Variants in PCDHGA12 observed in about 807,000 individuals in gnomAD.
PCDHGA12 encodes the protein protocadherin gamma subfamily A, 12, also known as protocadherin gamma-A12.
A neutral mutation model predicts 61.1 loss-of-function variants in PCDHGA12; 43 were observed. That is an observed-to-expected ratio of 0.70 (90% confidence interval 0.55 to 0.91). PCDHGA12 has a LOEUF of 0.91. Among genes scored for constraint, PCDHGA12 ranks in the 40% least tolerant of loss-of-function variants. The pLI is 0.00. For missense variants in PCDHGA12, 1,236 were observed against 1,227.7 expected, an observed-to-expected ratio of 1.01 and a Z score of -0.10; for synonymous variants, 520 against 542.9, an observed-to-expected ratio of 0.96 and a Z score of 0.59.
At chr5:141,453,001 G>C (rs1225973632) in intron 1 of PCDHGA12, among the ~76,000 whole-genome samples, 3 of 152,168 alleles carry the variant, frequency 2.0e-5, no homozygotes, top group African/African-American at 7.2e-5. Flanking sequence ...AAAGTTACCT[G>C]TAGTATAGTT....
At position 141,433,096 on chromosome 5, in the gene PCDHGA12, C is replaced by G; in HGVS notation, c.2337C>G (p.Leu779=). ...IFPQPNYADM[L]VSQESFEKSE... ...CCCAGCCCAACTATGCAGACATGCT[C>G]GTCAGCCAGGAGAGCTTTGAAAAAA... The change falls in exon 1 of 4, where the codon CTC becomes CTG. Residue 779 remains leucine (L), a synonymous_variant. Coordinates refer to ENST00000252085, the MANE Select transcript of PCDHGA12 (RefSeq NM_003735.3). 5 of 1,614,118 alleles carry G rather than the reference C, an allele frequency of 3.1e-6. No homozygotes were observed. The highest frequency in any genetic ancestry group is 4.2e-6 in the Non-Finnish European group (5 of 1,180,014).
chr5:141,439,632 T>C (rs1335553818), intron 1 of PCDHGA12, among the ~76,000 whole-genome samples: 1 of 152,182 alleles, frequency 6.6e-6, no homozygotes, highest in Non-Finnish European at 1.5e-5. Context: ...TCCCCAGACA[T>C]TCCGGCTTGG....
chr5:141,493,679 G>C lies in PCDHGA12; in HGVS notation c.2425-1128G>C. On this transcript the variant is annotated intron_variant, in intron 1 of 3. Transcript: ENST00000252085. This position sits in a 1 kb window ranked among gnomAD's most constrained non-coding sequence, Gnocchi z 4.3. ...CCTTCTCCATGGCAGCCCCAGAATG[G>C]TGCTGGTGACTCCCGATACACCTGG... Among the ~76,000 whole-genome samples the C allele has an allele frequency of 6.6e-6, 1 of 152,198 alleles. No individual in the cohort carries two copies. Among genetic ancestry groups the C allele is most frequent in the African/African-American group, 2.4e-5 (1 of 41,446 alleles).
intron 2 of PCDHGA12, among the ~76,000 whole-genome samples, chr5:141,501,279 A>T (rs1180397181): frequency 3.0e-5 from 4 of 135,444 alleles, no homozygotes. Context: ...AGTCTATGGG[A>T]TATTCCCTTA....
rs2099697431 is a variant in PCDHGA12 at position 141,490,222 on chromosome 5, C to T, written c.2425-4585C>T. The T allele has an allele frequency of 6.2e-7, 1 of 1,614,094 alleles. No homozygotes were observed. Among genetic ancestry groups the T allele is most frequent in the African/African-American group, 1.3e-5 (1 of 74,934 alleles). On this transcript the variant is annotated intron_variant, in intron 1 of 3. Coordinates refer to ENST00000252085, the MANE Select transcript of PCDHGA12 (RefSeq NM_003735.3). This position sits in a 1 kb window ranked among gnomAD's most constrained non-coding sequence, Gnocchi z 5.4. The stretch of plus-strand genomic sequence containing the variant: ...TGCAAGAGCCCGTGACCAGGGACAG[C>T]CTGCCATGGAGGGCCACTGTGTGAT...
At chr5:141,500,452 G>C (rs554196222) in intron 2 of PCDHGA12, among the ~76,000 whole-genome samples, 1 of 151,506 alleles carries the variant, frequency 6.6e-6, no homozygotes, top group South Asian at 2.1e-4. Context: ...CTCGTGATCC[G>C]CCCGCCTCGG....
At chr5:141,441,744 G>A (rs913393900) in intron 1 of PCDHGA12, 7 of 366,408 alleles carry the variant, frequency 1.9e-5, no homozygotes, top group African/African-American at 1.1e-4. Context: ...GCTCGCGCTC[G>A]GCGTCAACGT....
At chr5:141,510,349 C>T (rs1461596705) in intron 3 of PCDHGA12, among the ~76,000 whole-genome samples, 1 of 148,468 alleles carries the variant, frequency 6.7e-6, no homozygotes, top group Non-Finnish European at 1.5e-5. Context: ...CACACACTTA[C>T]TAACGGAACT....
chr5:141,502,868 T>TTTTTTTTTC (rs1298099288), intron 2 of PCDHGA12, among the ~76,000 whole-genome samples: 1 of 147,026 alleles, frequency 6.8e-6, no homozygotes, highest in Non-Finnish European at 1.5e-5. Flanking sequence ...CTCTCTGTCT[T>TTTTTTTTTC]TTTTTTTTTT....
At chr5:141,469,511 G>T (rs2099203340) in intron 1 of PCDHGA12, among the ~76,000 whole-genome samples, 2 of 152,038 alleles carry the variant, frequency 1.3e-5, no homozygotes, top group South Asian at 2.1e-4. Flanking sequence ...GGAGGTGGAG[G>T]TTGCAGTGAG....
intron 1 of PCDHGA12, chr5:141,441,954 CA>C (rs1240871171): frequency 3.1e-6 from 1 of 319,488 alleles, no homozygotes; most frequent in Non-Finnish European, 6.0e-6. Flanking sequence ...TGCAGGCCAG[CA>C]AGCCCAGGCT....
chr5:141,495,939 G>A (rs1408330065), intron 2 of PCDHGA12, among the ~76,000 whole-genome samples: 1 of 151,994 alleles, frequency 6.6e-6, no homozygotes, highest in Non-Finnish European at 1.5e-5. Context: ...TCTGGTCTCT[G>A]TGCCTGTTGT....
At position 141,485,971 on chromosome 5, in the gene PCDHGA12, C is replaced by T; in HGVS notation, c.2425-8836C>T. On this transcript the variant is annotated intron_variant, in intron 1 of 3. Transcript: ENST00000252085. This position sits in a 1 kb window ranked among gnomAD's most constrained non-coding sequence, Gnocchi z 5.7. Reference sequence around the variant, plus strand: ...GCATGGTGCTCATCCAGCTCAATGCCTCAGACCCGGACCTGGGTCCCAGTG... The same window carrying T: ...GCATGGTGCTCATCCAGCTCAATGCTTCAGACCCGGACCTGGGTCCCAGTG... The T allele has an allele frequency of 6.2e-7, 1 of 1,614,196 alleles. No individual in the cohort carries two copies. The highest frequency in any genetic ancestry group is 8.5e-7 in the Non-Finnish European group (1 of 1,180,042).
In PCDHGA12 at chr5:141,432,358, G is replaced by A. The variant is rs750696244; in HGVS notation, c.1599G>A (p.Met533Ile). ...TCCGAGACTTGCAAGTGAAAGTGAT[G>A]GCGCGGGACAACGGGCACCCGCCCC... The part of the protein sequence containing the change: ...EQFRDLQVKV[M>I]ARDNGHPPLS... Residue 533 changes from methionine (M) to isoleucine (I), a missense_variant, in exon 1 of 4, where the codon ATG (methionine) becomes ATA (isoleucine). By Grantham distance (10) the Met-to-Ile change is conservative. Transcript: ENST00000252085. This position sits in a 1 kb window ranked among gnomAD's most constrained non-coding sequence, Gnocchi z 6.0. The A allele has an allele frequency of 6.2e-7, 1 of 1,614,122 alleles. No homozygotes were observed. The highest frequency in any genetic ancestry group is 8.5e-7 in the Non-Finnish European group (1 of 1,180,060).
chr5:141,433,256 C>T, intron 1 of PCDHGA12, 73 bp downstream of exon 1: 2 of 1,385,666 alleles, frequency 1.4e-6, no homozygotes, highest in Non-Finnish European at 2.0e-6. Context: ...TGCAGCGGTA[C>T]GATCATAGCT....
rs1214425261 is a variant in PCDHGA12 at position 141,485,865 on chromosome 5, C to G, written c.2425-8942C>G. On this transcript the variant is annotated intron_variant, in intron 1 of 3. Coordinates refer to ENST00000252085, the MANE Select transcript of PCDHGA12 (RefSeq NM_003735.3). This position sits in a 1 kb window ranked among gnomAD's most constrained non-coding sequence, Gnocchi z 5.7. The stretch of plus-strand genomic sequence containing the variant: ...TCTGGCACCGCAGAGCTCCGGGTAT[C>G]CGTGCTGGACGTAAACGACAACGCC... The G allele has an allele frequency of 1.2e-6, 2 of 1,614,182 alleles. No individual in the cohort carries two copies.
chr5:141,454,796 ATTTTTT>A (rs61612330), intron 1 of PCDHGA12, among the ~76,000 whole-genome samples: 41 of 77,454 alleles, frequency 5.3e-4, no homozygotes, highest in African/African-American at 1.7e-3. Context: ...CATGGTTCTA[ATTTTTT>A]TTTTTTTTTT....
Position 141,491,094 on chromosome 5 carries a change from G to C in PCDHGA12, c.2425-3713G>C, listed in dbSNP as rs1240705650. The C allele has an allele frequency of 1.9e-6, 3 of 1,614,202 alleles. No homozygotes were observed. Among genetic ancestry groups the C allele is most frequent in the Non-Finnish European group, 2.5e-6 (3 of 1,180,030 alleles). On this transcript the variant is annotated intron_variant, in intron 1 of 3. Coordinates refer to ENST00000252085, the MANE Select transcript of PCDHGA12 (RefSeq NM_003735.3). The surrounding 1 kb of genome is among the most constrained non-coding windows in gnomAD (Gnocchi z 6.9). The stretch of plus-strand genomic sequence containing the variant: ...TGCCACAGTCCACAGCCCCAGGACT[G>C]TTCCTCGTGTCTACACACACTGGTG...
intron 1 of PCDHGA12, chr5:141,441,823 C>T (rs538052540): frequency 3.9e-5 from 14 of 357,336 alleles, no homozygotes; most frequent in Non-Finnish European, 6.6e-5. Context: ...AGCTCTGGAG[C>T]GCAATGGCTT....
Sources: gnomAD v4.1 joint callset for allele counts (sites outside exome capture counted in the v4.1 genomes callset) on GRCh38, gnomAD v4.1.1 for gene constraint, Gnocchi (gnomAD v3.1) non-coding constraint, MANE v1.5 for transcripts, NCBI Gene and HGNC (gene_info 2026-07-23, HGNC 2026-07-21) for gene names.